CSNK1G3: variants seen among roughly 807,000 people sequenced by gnomAD.
CSNK1G3 encodes casein kinase I isoform gamma-3.
A neutral mutation model predicts 64.3 loss-of-function variants in CSNK1G3; 23 were observed. The observed-to-expected ratio is 0.36, with a 90% CI of 0.26 to 0.51. CSNK1G3 has a LOEUF of 0.51. Ranked by LOEUF, CSNK1G3 falls within the 20% of genes least tolerant of loss-of-function variation. CSNK1G3 has a pLI of 0.96. For synonymous variants in CSNK1G3, 158 were observed against 162.2 expected (o/e 0.97, Z 0.20); for missense variants, 357 against 510.5 (o/e 0.70, Z 2.90).
At chr5:123,558,838 A>G (rs186884821) in intron 4 of CSNK1G3, among the ~76,000 whole-genome samples, 112 of 152,314 alleles carry the variant, frequency 7.4e-4, no homozygotes, top group African/African-American at 2.5e-3. Flanking sequence ...TGGGTATAAA[A>G]CGAATTTATT....
intron 6 of CSNK1G3, among the ~76,000 whole-genome samples, chr5:123,577,095 A>T: frequency 6.6e-6 from 1 of 152,208 alleles, no homozygotes; most frequent in Non-Finnish European, 1.5e-5. Flanking sequence ...TGCTCCTTCA[A>T]GCTGGCTTCT....
At chr5:123,548,720 A>G (rs6887967) in intron 2 of CSNK1G3, among the ~76,000 whole-genome samples, 34,104 of 151,436 alleles carry the variant, frequency 0.23, 4,059 homozygotes, top group Middle Eastern at 0.29. Flanking sequence ...AGCCTGGACA[A>G]TATAGTGAGA....
chr5:123,548,507 C>T (rs1010796807), intron 2 of CSNK1G3, among the ~76,000 whole-genome samples: 4 of 133,464 alleles, frequency 3.0e-5, no homozygotes, highest in Non-Finnish European at 6.5e-5. Flanking sequence ...AATGGGTAAA[C>T]ATTTGAAATA....
At chr5:123,567,823 C>T (rs747873568) in intron 4 of CSNK1G3, among the ~76,000 whole-genome samples, 1 of 152,128 alleles carries the variant, frequency 6.6e-6, no homozygotes, top group Admixed American at 6.5e-5. Context: ...TGACTGGTCT[C>T]AAGCACATCT....
rs545748833 is a variant in CSNK1G3 at position 123,516,797 on chromosome 5, CTT to C, written c.-248+4231_-248+4232del. On this transcript the variant is annotated intron_variant, in intron 1 of 12. Transcript: ENST00000345990. ...GAATGAGAGATGGTCTCATGATACT[CTT>C]TTTCTTAAATACAAAGTTTAATGTT... 3.4e-3 allele frequency among the ~76,000 whole-genome samples: 512 copies of C among 152,230 alleles called. 3 individuals are homozygous for C. Among genetic ancestry groups the C allele is most frequent in the Non-Finnish European group, 5.8e-3 (393 of 68,006 alleles).
intron 5 of CSNK1G3, among the ~76,000 whole-genome samples, chr5:123,574,203 G>C (rs1788704525): frequency 6.6e-6 from 1 of 152,104 alleles, no homozygotes; most frequent in Non-Finnish European, 1.5e-5. Context: ...AAAAACAAGA[G>C]GCAGACTAAT....
intron 12 of CSNK1G3, among the ~76,000 whole-genome samples, chr5:123,610,276 T>TA (rs539995609): frequency 5.3e-5 from 8 of 152,170 alleles, no homozygotes; most frequent in Non-Finnish European, 1.0e-4. Context: ...TAAGGGGAAA[T>TA]ATTCTTTGTC....
chr5:123,616,680 A>G (rs1339834043), exon 13 of CSNK1G3: 2 of 152,618 alleles, frequency 1.3e-5, no homozygotes, highest in Non-Finnish European at 2.9e-5. Flanking sequence ...TGAAGTCAAC[A>G]TTGCCTGAAT....
intron 1 of CSNK1G3, among the ~76,000 whole-genome samples, chr5:123,543,899 A>C (rs1039321167): frequency 1.1e-4 from 16 of 152,176 alleles, no homozygotes; most frequent in African/African-American, 3.9e-4. Flanking sequence ...CTTCATAAAT[A>C]GATTGGGTGT....
At chr5:123,539,521 A>G (rs1362328490) in intron 1 of CSNK1G3, among the ~76,000 whole-genome samples, 2 of 151,296 alleles carry the variant, frequency 1.3e-5, no homozygotes, top group Non-Finnish European at 2.9e-5. Context: ...ATGTTAAGTC[A>G]GTGGTACATT....
chr5:123,561,038 CTG>C (rs1785594958), intron 4 of CSNK1G3, among the ~76,000 whole-genome samples: 1 of 152,128 alleles, frequency 6.6e-6, no homozygotes, highest in Non-Finnish European at 1.5e-5. Flanking sequence ...AGTGGGGTAT[CTG>C]TGAAAAAATA....
chr5:123,572,247 AAT>A (rs1372280794), intron 4 of CSNK1G3, among the ~76,000 whole-genome samples: 1 of 152,104 alleles, frequency 6.6e-6, no homozygotes, highest in East Asian at 1.9e-4. Context: ...TCAGGGTTTT[AAT>A]ACAAGTGACT....
intron 12 of CSNK1G3, among the ~76,000 whole-genome samples, 171 bp from the exon 14 acceptor site, chr5:123,614,171 A>G (rs536158672): frequency 1.3e-5 from 2 of 152,370 alleles, no homozygotes; most frequent in East Asian, 3.9e-4. Flanking sequence ...ATGAAACATA[A>G]TAGTAATAGC....
rs573378095 is a variant in CSNK1G3, at chr5:123,536,117, A to G, written c.-247-9300A>G. Among the ~76,000 whole-genome samples, 5 of 152,242 alleles carry G rather than the reference A, an allele frequency of 3.3e-5. No homozygotes were observed. The East Asian group carries it at 7.7e-4, about 23-fold the overall frequency. ...TGGACCTCTTATGTAAAATGAACCAATCCACCTACACATATTTCTGTACAT... is the reference window on the plus strand; with the variant it reads ...TGGACCTCTTATGTAAAATGAACCAGTCCACCTACACATATTTCTGTACAT... On this transcript the variant is annotated intron_variant, in intron 1 of 12. Coordinates refer to ENST00000345990, the Ensembl canonical transcript of CSNK1G3.
At chr5:123,564,295 GTTA>G (rs1165999810) in intron 4 of CSNK1G3, among the ~76,000 whole-genome samples, 1 of 151,930 alleles carries the variant, frequency 6.6e-6, no homozygotes, top group East Asian at 1.9e-4. Flanking sequence ...GTGTGGTGTG[GTTA>G]TTATAGTATT....
At chr5:123,546,435 A>G (rs542864970) in intron 2 of CSNK1G3, among the ~76,000 whole-genome samples, 1 of 152,238 alleles carries the variant, frequency 6.6e-6, no homozygotes, top group African/African-American at 2.4e-5. Context: ...TCCTAACTCT[A>G]TATTCAAGGC....
chr5:123,567,201 C>A (rs896872009), intron 4 of CSNK1G3, among the ~76,000 whole-genome samples: 3 of 152,206 alleles, frequency 2.0e-5, no homozygotes, highest in East Asian at 1.9e-4. Flanking sequence ...AATTCAGTCA[C>A]CTCCCACTGG....
intron 6 of CSNK1G3, 52 bp from the exon 7 acceptor site, chr5:123,588,016 C>G (rs1275711739): frequency 5.7e-5 from 65 of 1,134,374 alleles, no homozygotes; most frequent in Non-Finnish European, 6.4e-6. Flanking sequence ...CTCCATTCTT[C>G]CATTCTTAAC....
intron 10 of CSNK1G3, among the ~76,000 whole-genome samples, chr5:123,593,171 A>G (rs1402327063): frequency 6.7e-6 from 1 of 149,562 alleles, no homozygotes; most frequent in Non-Finnish European, 1.5e-5. Flanking sequence ...CAGTCCTTGC[A>G]CTAAATGTAG....
Sources: gnomAD v4.1 joint callset for allele counts (sites outside exome capture counted in the v4.1 genomes callset) on GRCh38, gnomAD v4.1.1 for gene constraint, MANE v1.5 for transcripts, NCBI Gene and HGNC (gene_info 2026-07-23, HGNC 2026-07-21) for gene names.